The following TSPAN2 variants were observed in gnomAD, a reference collection of about 807,000 sequenced individuals.
TSPAN2 encodes tetraspanin-2.
In TSPAN2, 24 loss-of-function variants were observed where a neutral mutation model predicts 33.3. The ratio of observed to expected loss-of-function variants is 0.72; its 90% CI spans 0.52 to 1.01. TSPAN2 has a LOEUF of 1.01. Among genes scored for constraint, TSPAN2 ranks in the 50% least tolerant of loss-of-function variants. The pLI is 0.00. For missense variants in TSPAN2, 278 were observed against 281.3 expected, an observed-to-expected ratio of 0.99 and a Z score of 0.08; for synonymous variants, 114 against 104.5, an observed-to-expected ratio of 1.09 and a Z score of -0.56.
At chr1:115,055,767 C>T (rs1234936318) in intron 6 of TSPAN2, among the ~76,000 whole-genome samples, 1 of 152,146 alleles carries the variant, frequency 6.6e-6, no homozygotes, top group Admixed American at 6.5e-5. Flanking sequence ...GGCAATCTGC[C>T]TGCCTCTGCC....
At chr1:115,059,686 T>C (rs1287221057) in intron 4 of TSPAN2, among the ~76,000 whole-genome samples, 1 of 152,232 alleles carries the variant, frequency 6.6e-6, no homozygotes, top group Non-Finnish European at 1.5e-5. Context: ...TCCACAGATA[T>C]CTCAACAGGT....
At chr1:115,075,435 G>A (rs1010207426) in intron 1 of TSPAN2, among the ~76,000 whole-genome samples, 13 of 152,164 alleles carry the variant, frequency 8.5e-5, no homozygotes, top group Admixed American at 2.0e-4. Flanking sequence ...CTTGTGACAA[G>A]AGACAGGGCG....
intron 6 of TSPAN2, among the ~76,000 whole-genome samples, chr1:115,056,120 C>G (rs2101023989): frequency 6.6e-6 from 1 of 152,312 alleles, no homozygotes; most frequent in South Asian, 2.1e-4. Flanking sequence ...TTTACCAAAA[C>G]TGTGTATTAT....
At chr1:115,065,635 A>G (rs1428455706) in intron 2 of TSPAN2, among the ~76,000 whole-genome samples, 1 of 152,198 alleles carries the variant, frequency 6.6e-6, no homozygotes, top group African/African-American at 2.4e-5. Context: ...CTGATACATA[A>G]TAGTTGTACA....
intron 1 of TSPAN2, among the ~76,000 whole-genome samples, chr1:115,075,241 A>G (rs1350647781): frequency 2.6e-5 from 4 of 152,230 alleles, no homozygotes; most frequent in Non-Finnish European, 4.4e-5. Context: ...CCATTGGGCA[A>G]TGGGAAAAAA....
intron 2 of TSPAN2, among the ~76,000 whole-genome samples, chr1:115,071,812 T>C (rs1648185434): frequency 6.6e-6 from 1 of 152,196 alleles, no homozygotes; most frequent in Non-Finnish European, 1.5e-5. Context: ...GGATGCTGTG[T>C]GGGAAGAGTG....
At chr1:115,069,989 G>A (rs1039328528) in intron 2 of TSPAN2, among the ~76,000 whole-genome samples, 1 of 152,180 alleles carries the variant, frequency 6.6e-6, no homozygotes, top group African/African-American at 2.4e-5. Context: ...AATCATAAAG[G>A]TTTTTATGTG....
chr1:115,070,452 A>G (rs72697930), intron 2 of TSPAN2, among the ~76,000 whole-genome samples: 39,797 of 149,530 alleles, frequency 0.27, 5,834 homozygotes, highest in Middle Eastern at 0.39. Context: ...TACAGTGCAG[A>G]TCATACCCTA....
At chr1:115,085,554 A>C (rs557407554) in intron 1 of TSPAN2, among the ~76,000 whole-genome samples, 2 of 152,344 alleles carry the variant, frequency 1.3e-5, no homozygotes, top group Admixed American at 1.3e-4. Flanking sequence ...GGGCAGGCAC[A>C]TGAGCTTCTA....
intron 1 of TSPAN2, among the ~76,000 whole-genome samples, chr1:115,085,315 C>T (rs548379629): frequency 3.3e-5 from 5 of 152,146 alleles, no homozygotes; most frequent in African/African-American, 9.7e-5. Context: ...GTACAGTCAG[C>T]GGCCCTGGGC....
intron 2 of TSPAN2, among the ~76,000 whole-genome samples, chr1:115,062,909 A>G (rs370450311): frequency 6.6e-4 from 100 of 152,304 alleles, no homozygotes; most frequent in South Asian, 5.6e-3. Flanking sequence ...AGTAGGAGCC[A>G]CAGGCGAGGC....
intron 6 of TSPAN2, among the ~76,000 whole-genome samples, chr1:115,055,564 C>T (rs894655823): frequency 6.6e-6 from 1 of 151,952 alleles, no homozygotes; most frequent in Non-Finnish European, 1.5e-5. Context: ...CGCTCTCTCA[C>T]CCAGGCTGTA....
Position 115,054,958 on chromosome 1 carries a change from G to A in TSPAN2, c.517-1496C>T, listed in dbSNP as rs183637571. Reference sequence around the variant, plus strand: ...GCCGAGATCATGCCACTACACTCCAGCCTGGGCAACAGAGTGAGACTCTGT... The same window carrying A: ...GCCGAGATCATGCCACTACACTCCAACCTGGGCAACAGAGTGAGACTCTGT... On this transcript the variant is annotated intron_variant, in intron 6 of 7. Transcript: ENST00000369516. Among the ~76,000 whole-genome samples, 6 of 152,220 alleles carry A rather than the reference G, an allele frequency of 3.9e-5. No individual in the cohort carries two copies. In the East Asian group the frequency reaches 1.2e-3, roughly 29 times the overall value.
chr1:115,069,918 T>A (rs1322323866), intron 2 of TSPAN2, among the ~76,000 whole-genome samples: 1 of 152,254 alleles, frequency 6.6e-6, no homozygotes, highest in Non-Finnish European at 1.5e-5. Flanking sequence ...AGTGGTTAAA[T>A]ATGACATGAA....
chr1:115,062,042 G>C, intron 3 of TSPAN2, 93 bp downstream of exon 3: 1 of 1,071,580 alleles, frequency 9.3e-7, no homozygotes, highest in Non-Finnish European at 1.4e-6. Context: ...GTCCACGGAG[G>C]AGCTGGAGCC....
intron 1 of TSPAN2, among the ~76,000 whole-genome samples, chr1:115,078,377 A>G (rs1464404943): frequency 6.6e-6 from 1 of 152,164 alleles, no homozygotes; most frequent in Non-Finnish European, 1.5e-5. Flanking sequence ...CATTTGCTAA[A>G]TGAGTGAATG....
chr1:115,070,041 T>G (rs766033302), intron 2 of TSPAN2, among the ~76,000 whole-genome samples: 29 of 152,180 alleles, frequency 1.9e-4, no homozygotes, highest in Non-Finnish European at 3.5e-4. Context: ...CAGCCCTTTG[T>G]TTCTGGAGAA....
Position 115,089,415 on chromosome 1 carries a change from CCCG to C in TSPAN2, c.15_17del (p.Gly7del). Reference sequence around the variant, plus strand: ...GCAGGTACTTGATGCACCGCAGGCCCCCGCGGAAGCGCCCCATGCTGCGGCCCG... The same window carrying C: ...GCAGGTACTTGATGCACCGCAGGCCCCGGAAGCGCCCCATGCTGCGGCCCG... On this transcript the variant is annotated inframe_deletion, in exon 1 of 8. Transcript: ENST00000369516. 1 of 1,586,144 alleles carries C rather than the reference CCCG, an allele frequency of 6.3e-7. No individual in the cohort carries two copies.
At position 115,067,731 on chromosome 1, in the gene TSPAN2, C is replaced by T. The variant is rs943822621; in HGVS notation, c.172+5174G>A. Reference sequence around the variant, plus strand: ...CAGTCAGGCTGCGATCCTGGAGAGCCGAGTGGCTCCTGCGTGTGTGGGCAA... The same window carrying T: ...CAGTCAGGCTGCGATCCTGGAGAGCTGAGTGGCTCCTGCGTGTGTGGGCAA... On this transcript the variant is annotated intron_variant, in intron 2 of 7. Coordinates refer to ENST00000369516, the MANE Select transcript of TSPAN2 (RefSeq NM_005725.6). 5.3e-5 allele frequency among the ~76,000 whole-genome samples: 8 copies of T among 152,152 alleles called. No homozygotes were observed. The East Asian group carries it at 5.8e-4, about 11-fold the overall frequency.
Sources: gnomAD v4.1 joint callset for allele counts (sites outside exome capture counted in the v4.1 genomes callset) on GRCh38, gnomAD v4.1.1 for gene constraint, MANE v1.5 for transcripts, NCBI Gene and HGNC (gene_info 2026-07-23, HGNC 2026-07-21) for gene names.